The following DNAH3 variants were observed in gnomAD, a reference collection of about 807,000 sequenced individuals.
DNAH3 encodes axonemal beta dynein heavy chain 3.
DNAH3 carries 332 observed loss-of-function variants against 432.5 expected under a neutral mutation model. That is an observed-to-expected ratio of 0.77 (90% CI 0.70 to 0.84). The LOEUF (loss-of-function observed/expected upper bound fraction) is 0.84, where lower values mean the gene tolerates loss of function less well. Among genes scored for constraint, DNAH3 ranks in the 40% least tolerant of loss-of-function variants. The pLI is 0.00. For synonymous variants in DNAH3, 1,956 were observed against 1,900.2 expected (o/e 1.03, Z -0.76); for missense variants, 4,861 against 5,114.0 (o/e 0.95, Z 1.51).
intron 1 of DNAH3, among the ~76,000 whole-genome samples, chr16:21,155,721 T>C (rs1298487749): frequency 6.6e-6 from 1 of 152,002 alleles, no homozygotes; most frequent in African/African-American, 2.4e-5. Context: ...ATTATTTACC[T>C]GAAATTCAGA....
chr16:20,966,198 C>T (rs1300869711), intron 52 of DNAH3, among the ~76,000 whole-genome samples: 5 of 151,096 alleles, frequency 3.3e-5, no homozygotes, highest in South Asian at 2.1e-4. Context: ...CCACCACACC[C>T]GGCTAATTTT....
intron 1 of DNAH3, among the ~76,000 whole-genome samples, chr16:21,147,524 C>A (rs1326021286): frequency 3.3e-5 from 5 of 152,224 alleles, no homozygotes; most frequent in African/African-American, 1.2e-4. Flanking sequence ...TGGACTCTTG[C>A]ATTTTCACAT....
intron 1 of DNAH3, among the ~76,000 whole-genome samples, chr16:21,152,803 C>T (rs2092869360): frequency 6.6e-6 from 1 of 152,238 alleles, no homozygotes; most frequent in African/African-American, 2.4e-5. Context: ...CGCTGCGCTC[C>T]ATTTCTCACC....
intron 9 of DNAH3, among the ~76,000 whole-genome samples, chr16:21,122,454 G>T (rs2092364075): frequency 6.6e-6 from 1 of 152,102 alleles, no homozygotes; most frequent in Non-Finnish European, 1.5e-5. Context: ...CTACTTGAGA[G>T]GCTGAGGCAG....
At chr16:20,989,153 T>C (rs1230836022) in intron 44 of DNAH3, among the ~76,000 whole-genome samples, 1 of 152,198 alleles carries the variant, frequency 6.6e-6, no homozygotes, top group African/African-American at 2.4e-5. Context: ...TTCTCTTATC[T>C]GGCCCCACCC....
At chr16:20,944,205 A>AAG (rs35936820) in intron 58 of DNAH3, among the ~76,000 whole-genome samples, 149,028 of 152,028 alleles carry the variant, frequency 0.98, 73,055 homozygotes, top group East Asian at 1. Context: ...GCAAAAGAAA[A>AAG]AAAAAAAGAA....
chr16:21,152,738 C>A lies in DNAH3; in HGVS notation c.117+6587G>T, dbSNP rs907078292. 4.6e-5 allele frequency among the ~76,000 whole-genome samples: 7 copies of A among 152,360 alleles called. No homozygotes were observed. The East Asian group carries it at 1.2e-3, about 25-fold the overall frequency. ...CCCGGGCAATGAGGGGCTTAGCACC[C>A]CGGCCAGCGGCTGCGGAGGGTGTAC... On this transcript the variant is annotated intron_variant, in intron 1 of 61. Coordinates refer to ENST00000261383, the Ensembl canonical transcript of DNAH3.
At chr16:21,092,783 G>A (rs1385521228) in intron 18 of DNAH3, among the ~76,000 whole-genome samples, 1 of 141,512 alleles carries the variant, frequency 7.1e-6, no homozygotes, top group Non-Finnish European at 1.5e-5. Flanking sequence ...TCAACAATAG[G>A]AAAACAAAAA....
intron 19 of DNAH3, among the ~76,000 whole-genome samples, chr16:21,083,025 T>C (rs1472401063): frequency 6.6e-6 from 1 of 150,818 alleles, no homozygotes; most frequent in Admixed American, 6.6e-5. Context: ...TTCCATACTT[T>C]TTTTTTTTTG....
intron 39 of DNAH3, among the ~76,000 whole-genome samples, chr16:21,023,761 T>G (rs2088376613): frequency 6.6e-6 from 1 of 150,696 alleles, no homozygotes; most frequent in African/African-American, 2.5e-5. Context: ...TGACTTTACA[T>G]ATATGGGGAC....
chr16:21,024,736 T>G (rs773673006), intron 38 of DNAH3, 35 bp from the exon 39 acceptor site: 2 of 1,518,214 alleles, frequency 1.3e-6, no homozygotes, highest in Admixed American at 1.7e-5. Context: ...AGGTGCTCGC[T>G]TCTTTGTTAC....
chr16:21,031,202 T>C (rs770714269), exon 37 of DNAH3: 29 of 1,614,104 alleles, frequency 1.8e-5, no homozygotes, highest in Non-Finnish European at 2.4e-5. Flanking sequence ...GCTCACTTGG[T>C]CAAAGCACCC....
At chr16:21,053,535 T>A (rs1297964773) in intron 28 of DNAH3, among the ~76,000 whole-genome samples, 1 of 152,180 alleles carries the variant, frequency 6.6e-6, no homozygotes, top group Admixed American at 6.6e-5. Context: ...TGGGGTACCC[T>A]GGGCAGTATA....
intron 14 of DNAH3, among the ~76,000 whole-genome samples, chr16:21,108,718 G>C (rs749210789): frequency 2.0e-5 from 3 of 152,134 alleles, no homozygotes; most frequent in Non-Finnish European, 4.4e-5. Flanking sequence ...ACTCCAGTCT[G>C]GGCAACAGAG....
intron 53 of DNAH3, among the ~76,000 whole-genome samples, chr16:20,961,029 C>T (rs969100613): frequency 1.3e-5 from 2 of 151,964 alleles, no homozygotes; most frequent in Non-Finnish European, 2.9e-5. Context: ...TATGAGACTC[C>T]TGCTAAACAA....
chr16:21,033,929 G>C (rs1325722441), intron 36 of DNAH3, 45 bp downstream of exon 36: 3 of 1,404,000 alleles, frequency 2.1e-6, no homozygotes, highest in Non-Finnish European at 2.0e-6. Context: ...AGCCAACTGA[G>C]CGAGGAGTTC....
chr16:20,951,582 T>C (rs1422633793), intron 56 of DNAH3, among the ~76,000 whole-genome samples: 1 of 151,852 alleles, frequency 6.6e-6, no homozygotes, highest in Non-Finnish European at 1.5e-5. Context: ...TAGCTAGGAC[T>C]ACAGGCATGT....
intron 44 of DNAH3, 24 bp downstream of exon 44, chr16:20,997,259 G>A (rs781143776): frequency 1.2e-6 from 2 of 1,609,146 alleles, no homozygotes; most frequent in South Asian, 2.2e-5. Context: ...AGGGAAAGAG[G>A]AATGAGCTCT....
At chr16:20,991,318 T>C (rs1178855305) in intron 44 of DNAH3, among the ~76,000 whole-genome samples, 1 of 151,946 alleles carries the variant, frequency 6.6e-6, no homozygotes, top group Non-Finnish European at 1.5e-5. Context: ...CAGTCTAGAG[T>C]GCAGTGGCAC....
Sources: gnomAD v4.1 joint callset for allele counts (sites outside exome capture counted in the v4.1 genomes callset) on GRCh38, gnomAD v4.1.1 for gene constraint, MANE v1.5 for transcripts, NCBI Gene and HGNC (gene_info 2026-07-23, HGNC 2026-07-21) for gene names.